The following CDC42BPB variants were observed in gnomAD, a reference collection of about 807,000 sequenced individuals.
CDC42BPB encodes serine/threonine-protein kinase MRCK beta.
CDC42BPB carries 37 observed loss-of-function variants against 214.9 expected under a neutral mutation model. That is an observed-to-expected ratio of 0.17 (90% CI 0.13 to 0.23). The LOEUF is 0.23. Among genes scored for constraint, CDC42BPB ranks in the 10% least tolerant of loss-of-function variants. The pLI, the probability that CDC42BPB is intolerant of heterozygous loss-of-function variation, is 1.00. For synonymous variants in CDC42BPB, 931 were observed against 884.0 expected (o/e 1.05, Z -0.94); for missense variants, 1,694 against 2,227.0 (o/e 0.76, Z 4.82).
At chr14:102,963,235 G>C (rs181084626) in intron 19 of CDC42BPB, 80 bp from the exon 20 acceptor site, 7 of 1,515,722 alleles carry the variant, frequency 4.6e-6, no homozygotes, top group Non-Finnish European at 6.1e-6. Flanking sequence ...CAGGATGAGA[G>C]AGCCGGGATT....
chr14:102,999,799 G>A, intron 4 of CDC42BPB, 86 bp from the exon 5 acceptor site: 2 of 1,552,142 alleles, frequency 1.3e-6, no homozygotes, highest in Non-Finnish European at 1.7e-6. Flanking sequence ...CCATGGCGAG[G>A]TTCTCAGGCT....
intron 1 of CDC42BPB, among the ~76,000 whole-genome samples, chr14:103,038,128 A>G (rs1390268428): frequency 6.6e-6 from 1 of 151,944 alleles, no homozygotes; most frequent in Non-Finnish European, 1.5e-5. Context: ...CGAGGTCGAG[A>G]GATCAAGACC....
chr14:103,035,709 G>C (rs942756018), intron 1 of CDC42BPB, among the ~76,000 whole-genome samples: 1 of 151,990 alleles, frequency 6.6e-6, no homozygotes, highest in African/African-American at 2.4e-5. Flanking sequence ...ATGTGGTGGC[G>C]GGCGCCTGTA....
intron 4 of CDC42BPB, among the ~76,000 whole-genome samples, chr14:103,002,257 C>T (rs1895023194): frequency 6.6e-6 from 1 of 152,184 alleles, no homozygotes; most frequent in Non-Finnish European, 1.5e-5. Context: ...CAGAAGCCGG[C>T]CCCGCAGTCA....
intron 1 of CDC42BPB, among the ~76,000 whole-genome samples, chr14:103,050,851 C>T (rs922760144): frequency 2.0e-5 from 3 of 152,108 alleles, no homozygotes; most frequent in Non-Finnish European, 4.4e-5. Context: ...CACTGGGAAT[C>T]ACCTTACAAT....
In CDC42BPB at chr14:103,037,673, C is replaced by A. The variant is rs1042391196; in HGVS notation, c.175+19326G>T. 2.0e-5 allele frequency among the ~76,000 whole-genome samples: 3 copies of A among 152,164 alleles called. No homozygotes were observed. The East Asian group carries it at 5.8e-4, about 29-fold the overall frequency. On this transcript the variant is annotated intron_variant, in intron 1 of 36. Transcript: ENST00000361246. ...CTGCCCTCCAAGGACGGGCCCAAAG[C>A]TAAGGGCTTTGTAAAGCCCAAAGCT...
intron 4 of CDC42BPB, among the ~76,000 whole-genome samples, chr14:103,002,878 A>ATG (rs758913748): frequency 4.6e-5 from 7 of 152,168 alleles, no homozygotes; most frequent in Admixed American, 1.3e-4. Flanking sequence ...ACATATATAT[A>ATG]AAGTCTACAT....
intron 5 of CDC42BPB, among the ~76,000 whole-genome samples, chr14:102,994,129 C>G (rs1894618107): frequency 6.6e-6 from 1 of 152,084 alleles, no homozygotes; most frequent in South Asian, 2.1e-4. Flanking sequence ...ACCGAGTTAG[C>G]AGGAATGCAA....
rs1279658507 is a variant in CDC42BPB at position 103,001,428 on chromosome 14, G to T, written c.448-1715C>A. ...GCCTGGTGAGGTGCCCAGGCCAGAG[G>T]TTGCCAAGCAGAGGCCTGAGGGGAG... On this transcript the variant is annotated intron_variant, in intron 4 of 36. Transcript: ENST00000361246. This position sits in a 1 kb window ranked among gnomAD's most constrained non-coding sequence, Gnocchi z 5.8. Among the ~76,000 whole-genome samples, 1 of 152,196 alleles carries T rather than the reference G, an allele frequency of 6.6e-6. No individual in the cohort carries two copies. Among genetic ancestry groups the T allele is most frequent in the Non-Finnish European group, 1.5e-5 (1 of 68,040 alleles).
intron 3 of CDC42BPB, among the ~76,000 whole-genome samples, chr14:103,007,224 G>A (rs188650241): frequency 1.3e-5 from 2 of 152,320 alleles, no homozygotes; most frequent in Admixed American, 6.5e-5. Context: ...ACCAACACGC[G>A]TTCAGTGAGC....
At chr14:102,992,659 C>G (rs1894546132) in intron 5 of CDC42BPB, among the ~76,000 whole-genome samples, 1 of 151,964 alleles carries the variant, frequency 6.6e-6, no homozygotes, top group African/African-American at 2.4e-5. Flanking sequence ...CAATTTTTGT[C>G]TCACATTACT....
At chr14:102,969,668 G>T (rs1403560462) in intron 14 of CDC42BPB, among the ~76,000 whole-genome samples, 1 of 152,228 alleles carries the variant, frequency 6.6e-6, no homozygotes, top group East Asian at 1.9e-4. Flanking sequence ...TGCCCACTTG[G>T]CCACTGTGGC....
intron 1 of CDC42BPB, chr14:103,041,987 T>C: frequency 3.1e-6 from 1 of 325,948 alleles, no homozygotes; most frequent in Non-Finnish European, 6.2e-6. Context: ...GAGAAGAATT[T>C]CAAAGCCTTC....
At chr14:103,031,349 A>G (rs1337599260) in intron 1 of CDC42BPB, among the ~76,000 whole-genome samples, 2 of 152,204 alleles carry the variant, frequency 1.3e-5, no homozygotes, top group Non-Finnish European at 2.9e-5. Flanking sequence ...CCTTTTCACC[A>G]GATGCCTAGA....
At chr14:103,014,376 T>C (rs543005647) in intron 1 of CDC42BPB, among the ~76,000 whole-genome samples, 4 of 152,198 alleles carry the variant, frequency 2.6e-5, no homozygotes, top group African/African-American at 9.7e-5. Flanking sequence ...CAAATCTGCA[T>C]GTTTTATGCT....
At chr14:102,949,310 G>A (rs909763141) in intron 26 of CDC42BPB, among the ~76,000 whole-genome samples, 7 of 152,186 alleles carry the variant, frequency 4.6e-5, no homozygotes, top group African/African-American at 1.4e-4. Flanking sequence ...CACTGAGACA[G>A]GGTCACATAG....
chr14:103,042,801 C>T (rs115316743), intron 1 of CDC42BPB, among the ~76,000 whole-genome samples: 30 of 152,244 alleles, frequency 2.0e-4, no homozygotes, highest in South Asian at 6.2e-4. Flanking sequence ...GGCAAGGATG[C>T]GGAGAAACTG....
chr14:103,009,585 T>A (rs576233798), intron 2 of CDC42BPB, among the ~76,000 whole-genome samples: 3 of 152,156 alleles, frequency 2.0e-5, no homozygotes, highest in Non-Finnish European at 4.4e-5. Context: ...ATTAAGTTTT[T>A]GGCAAAAAAG....
rs58418593 is a variant in CDC42BPB at position 102,948,082 on chromosome 14, G to A, written c.3450-280C>T. On this transcript the variant is annotated intron_variant, in intron 26 of 36. Coordinates refer to ENST00000361246, the MANE Select transcript of CDC42BPB (RefSeq NM_006035.4). ...GACTATGCCAGTTACAGAAGACTCG[G>A]TTTGCACTTGGCACAGCCAGGCAGT... 8.5e-3 allele frequency: 4,390 copies of A among 516,878 alleles called. 216 individuals are homozygous for A. In the African/African-American group the frequency reaches 0.099, roughly 12 times the overall value. 32.0% of individuals were successfully genotyped at this position (516,878 alleles called of 1,614,324 possible).
Sources: allele counts gnomAD v4.1 joint callset (sites outside exome capture counted in the v4.1 genomes callset), GRCh38; gene constraint gnomAD v4.1.1; non-coding constraint Gnocchi (gnomAD v3.1); transcripts MANE v1.5; gene names NCBI Gene and HGNC (gene_info 2026-07-23, HGNC 2026-07-21).